Variants in CELF4 observed in about 807,000 individuals in gnomAD.
The protein encoded by CELF4 is CUG-BP- and ETR-3-like factor 4.
CELF4 carries 18 observed loss-of-function variants against 59.9 expected under a neutral mutation model. The observed-to-expected ratio is 0.30, with a 90% CI of 0.21 to 0.45. The LOEUF is 0.45. Among genes scored for constraint, CELF4 ranks in the 20% least tolerant of loss-of-function variants. CELF4 has a pLI of 1.00. For synonymous variants in CELF4, 261 were observed against 267.1 expected (o/e 0.98, Z 0.22); for missense variants, 456 against 689.0 (o/e 0.66, Z 3.79).
At chr18:37,386,333 TA>T (rs2099098888) in intron 2 of CELF4, among the ~76,000 whole-genome samples, 2 of 152,198 alleles carry the variant, frequency 1.3e-5, no homozygotes, top group East Asian at 3.9e-4. Context: ...CAGAATGAGG[TA>T]AGTAAGGAGG....
chr18:37,442,400 C>T (rs916667280), intron 2 of CELF4, among the ~76,000 whole-genome samples: 3 of 152,156 alleles, frequency 2.0e-5, no homozygotes, highest in Non-Finnish European at 2.9e-5. Flanking sequence ...AAAACTAGAT[C>T]TCAGAAAAAA....
At chr18:37,442,953 G>C (rs1171628967) in intron 2 of CELF4, among the ~76,000 whole-genome samples, 1 of 152,120 alleles carries the variant, frequency 6.6e-6, no homozygotes, top group Admixed American at 6.5e-5. Context: ...TCCTAGTCTT[G>C]TCTGCACCCT....
At chr18:37,311,662 G>A (rs777578827) in intron 3 of CELF4, among the ~76,000 whole-genome samples, 2 of 151,672 alleles carry the variant, frequency 1.3e-5, no homozygotes, top group Non-Finnish European at 2.9e-5. Context: ...GGTGGCACGC[G>A]CCTATAATCC....
chr18:37,298,948 G>T (rs778698946), intron 3 of CELF4, among the ~76,000 whole-genome samples: 2 of 152,130 alleles, frequency 1.3e-5, no homozygotes, highest in Non-Finnish European at 2.9e-5. Flanking sequence ...GTAGGGCAGC[G>T]GTCACCTAGC....
chr18:37,557,952 G>A (rs369480106), intron 1 of CELF4, among the ~76,000 whole-genome samples: 35 of 151,956 alleles, frequency 2.3e-4, no homozygotes, highest in African/African-American at 8.4e-4. Flanking sequence ...ACAAGTAGAA[G>A]GGGAGAAACC....
chr18:37,417,394 T>C (rs1036721184), intron 2 of CELF4, among the ~76,000 whole-genome samples: 1 of 152,166 alleles, frequency 6.6e-6, no homozygotes, highest in African/African-American at 2.4e-5. Context: ...CCTTTCCACT[T>C]CTCCTGCCTA....
chr18:37,481,237 T>A lies in CELF4; in HGVS notation c.369+4288A>T, dbSNP rs1378795986. Among the ~76,000 whole-genome samples, 6 of 152,066 alleles carry A rather than the reference T, an allele frequency of 3.9e-5. No individual in the cohort carries two copies. In the East Asian group the frequency reaches 7.7e-4, roughly 20 times the overall value. On this transcript the variant is annotated intron_variant, in intron 2 of 12. Coordinates refer to ENST00000420428, the MANE Select transcript of CELF4 (RefSeq NM_020180.4). Reference sequence around the variant, plus strand: ...TGACTAGTGAGTTGGAACTTTAATGTTTACCAAGGAGATACAGCTCCCACT... The same window carrying A: ...TGACTAGTGAGTTGGAACTTTAATGATTACCAAGGAGATACAGCTCCCACT...
chr18:37,367,043 CCTTAACCTGGCTT>C (rs1457272635), intron 2 of CELF4, among the ~76,000 whole-genome samples: 1 of 152,158 alleles, frequency 6.6e-6, no homozygotes, highest in East Asian at 1.9e-4. Context: ...ATCCCAGAAG[CCTTAACCTGGCTT>C]CAGAGGTGAG....
intron 10 of CELF4, among the ~76,000 whole-genome samples, chr18:37,261,720 C>T (rs1389071406): frequency 6.6e-6 from 1 of 152,246 alleles, no homozygotes; most frequent in African/African-American, 2.4e-5. Context: ...CCTTGCAGCC[C>T]TGGCAGAGCC....
intron 2 of CELF4, among the ~76,000 whole-genome samples, chr18:37,460,143 C>A (rs76767796): frequency 6.6e-6 from 1 of 152,220 alleles, no homozygotes; most frequent in Non-Finnish European, 1.5e-5. Flanking sequence ...CCCCAGGGCT[C>A]GCCATGTCTG....
chr18:37,274,191 C>T (rs1037858581), intron 6 of CELF4, 120 bp downstream of exon 6: 25 of 1,516,116 alleles, frequency 1.6e-5, no homozygotes, highest in Admixed American at 2.3e-5. Flanking sequence ...TTCCCGGCCC[C>T]TCCTCACTCT....
intron 12 of CELF4, among the ~76,000 whole-genome samples, chr18:37,249,467 G>A (rs2064083604): frequency 6.6e-6 from 1 of 152,138 alleles, no homozygotes; most frequent in Non-Finnish European, 1.5e-5. Flanking sequence ...CCTGTGTACT[G>A]CAGCACAAAC....
rs1328827135 is a variant in CELF4 at position 37,393,075 on chromosome 18, GACACAGGGACTGCGGTGTGTTAGAGA to G, written c.370-71220_370-71195del. 4.0e-5 allele frequency among the ~76,000 whole-genome samples: 6 copies of G among 151,582 alleles called. 1 individual carries two copies. Among genetic ancestry groups the G allele is most frequent in the Admixed American group, 3.9e-4 (6 of 15,222 alleles). The stretch of plus-strand genomic sequence containing the variant: ...CACAGGGACTGCGGTGTGTTAGAGA[GACACAGGGACTGCGGTGTGTTAGAGA>G]GACACAGGGACTGCGGTGTGTTGGA... On this transcript the variant is annotated intron_variant, in intron 2 of 12. Coordinates refer to ENST00000420428, the MANE Select transcript of CELF4 (RefSeq NM_020180.4).
intron 10 of CELF4, 39 bp downstream of exon 10, chr18:37,264,635 G>C (rs767408413): frequency 3.3e-6 from 5 of 1,520,670 alleles, no homozygotes; most frequent in East Asian, 2.4e-5. Context: ...GGGGACAACA[G>C]GGGGAGGGAG....
chr18:37,283,048 TC>T (rs1190334705), intron 3 of CELF4, among the ~76,000 whole-genome samples: 1 of 151,994 alleles, frequency 6.6e-6, no homozygotes, highest in Admixed American at 6.6e-5. Flanking sequence ...CACCTGCTCT[TC>T]CCCGCCCCCA....
chr18:37,280,498 A>C (rs2093994392), intron 3 of CELF4, among the ~76,000 whole-genome samples: 1 of 152,198 alleles, frequency 6.6e-6, no homozygotes. Flanking sequence ...GGAGCCCCTG[A>C]TGAGAGAACA....
At chr18:37,453,252 T>A (rs891976922) in intron 2 of CELF4, among the ~76,000 whole-genome samples, 2 of 152,256 alleles carry the variant, frequency 1.3e-5, no homozygotes, top group Non-Finnish European at 2.9e-5. Context: ...GACCACATTA[T>A]GTGTGTGTTC....
intron 3 of CELF4, among the ~76,000 whole-genome samples, chr18:37,283,346 C>G (rs1360675183): frequency 6.6e-6 from 1 of 152,032 alleles, no homozygotes; most frequent in Non-Finnish European, 1.5e-5. Context: ...CCCTGTCTCT[C>G]CCCTGCTGAA....
intron 1 of CELF4, among the ~76,000 whole-genome samples, chr18:37,553,910 C>T (rs540725495): frequency 6.6e-6 from 1 of 152,240 alleles, no homozygotes; most frequent in African/African-American, 2.4e-5. Context: ...TTCGTCTCAC[C>T]GTCAGAGGGC....
Sources: allele counts gnomAD v4.1 joint callset (sites outside exome capture counted in the v4.1 genomes callset), GRCh38; gene constraint gnomAD v4.1.1; transcripts MANE v1.5; gene names NCBI Gene and HGNC (gene_info 2026-07-23, HGNC 2026-07-21).